Variants in PPP1CC observed in about 807,000 individuals in gnomAD.
PPP1CC encodes protein phosphatase 1 catalytic subunit gamma.
In PPP1CC, 16 loss-of-function variants were observed where a neutral mutation model predicts 38.4. That is an observed-to-expected ratio of 0.42 (90% CI 0.28 to 0.63). The LOEUF (loss-of-function observed/expected upper bound fraction) is 0.63. Among genes scored for constraint, PPP1CC ranks in the 30% least tolerant of loss-of-function variants. PPP1CC has a pLI of 0.25. For synonymous variants in PPP1CC, 158 were observed against 136.0 expected, an observed-to-expected ratio of 1.16 and a Z score of -1.13; for missense variants, 170 against 391.3, an observed-to-expected ratio of 0.43 and a Z score of 4.77.
chr12:110,729,461 G>A (rs61942637), intron 3 of PPP1CC, among the ~76,000 whole-genome samples: 25,703 of 152,156 alleles, frequency 0.17, 2,961 homozygotes, highest in Admixed American at 0.28. Context: ...CCAAAGTGCT[G>A]GGATTACAGG....
the PPP1CC span, among the ~76,000 whole-genome samples, chr12:110,713,785 T>C: frequency 5.9e-5 from 9 of 152,182 alleles, no homozygotes; most frequent in African/African-American, 2.2e-4. Flanking sequence ...ATTCTGGTTT[T>C]CTGGAGTGGA....
At chr12:110,737,477 C>CAAAAAAAAAAAAAAAAAAAAAATAAA (rs2069957703) in intron 1 of PPP1CC, among the ~76,000 whole-genome samples, 1 of 42,500 alleles carries the variant, frequency 2.4e-5, no homozygotes, top group African/African-American at 1.1e-4. Context: ...AAGAAAGACT[C>CAAAAAAAAAAAAAAAAAAAAAATAAA]AAAAAAAAAA....
intron 1 of PPP1CC, among the ~76,000 whole-genome samples, chr12:110,737,510 AAGAAAAAAGAACCCTTTAAGTTTCTCTGC>A: frequency 6.7e-6 from 1 of 150,358 alleles, no homozygotes; most frequent in Non-Finnish European, 1.5e-5. Context: ...AAGAAAAGAA[AAGAAAAAAGAACCCTTTAAGTTTCTCTGC>A]AAAGTCACCA....
chr12:110,729,797 A>G lies in PPP1CC; in HGVS notation c.418+732T>C, dbSNP rs548516067. ...GCCTGGGGACTATGGTGATGGTCGCATAACTCTATAAATTTACTACAAATC... is the reference window on the plus strand; with the variant it reads ...GCCTGGGGACTATGGTGATGGTCGCGTAACTCTATAAATTTACTACAAATC... On this transcript the variant is annotated intron_variant, in intron 3 of 6. Coordinates refer to ENST00000335007, the MANE Select transcript of PPP1CC (RefSeq NM_002710.4). 1.3e-4 allele frequency among the ~76,000 whole-genome samples: 20 copies of G among 152,372 alleles called. 1 individual carries two copies. In the South Asian group the frequency reaches 2.7e-3, roughly 21 times the overall value.
At chr12:110,724,538 C>T in intron 4 of PPP1CC, 122 bp downstream of exon 4, 1 of 633,580 alleles carries the variant, frequency 1.6e-6, no homozygotes, top group Non-Finnish European at 2.9e-6. Context: ...TGCAATGCAA[C>T]ACATCAACAA....
In PPP1CC at chr12:110,724,730, A is replaced by T; in HGVS notation, c.453T>A (p.Thr151=). The T allele has an allele frequency of 6.2e-7, 1 of 1,608,418 alleles. No homozygotes were observed. Among genetic ancestry groups the T allele is most frequent in the Non-Finnish European group, 8.5e-7 (1 of 1,174,942 alleles). The change falls in exon 4 of 7, where the codon ACT becomes ACA. Residue 151 remains threonine, a synonymous_variant. Coordinates refer to ENST00000335007, the MANE Select transcript of PPP1CC (RefSeq NM_002710.4). ...KRRYNIKLWK[T]FTDCFNCLPI... ...GTAAACAGTTAAAACAGTCTGTGAA[A>T]GTTTTCCATAGTTTAATGTTGTATC...
intron 3 of PPP1CC, among the ~76,000 whole-genome samples, chr12:110,727,977 G>A (rs2069821030): frequency 6.6e-6 from 1 of 152,118 alleles, no homozygotes; most frequent in Non-Finnish European, 1.5e-5. Context: ...AGTAGAAACC[G>A]AAACTGATGC....
chr12:110,735,843 T>A (rs1045256529), intron 1 of PPP1CC, among the ~76,000 whole-genome samples: 2 of 151,644 alleles, frequency 1.3e-5, no homozygotes, highest in African/African-American at 4.9e-5. Flanking sequence ...AGCGGGCGGA[T>A]CACCTGAGGT....
chr12:110,742,305 TCCCCAACCATCG>T (rs977845590), intron 1 of PPP1CC, among the ~76,000 whole-genome samples: 3 of 151,814 alleles, frequency 2.0e-5, no homozygotes, highest in East Asian at 1.9e-4. Context: ...TGGACTGGGA[TCCCCAACCATCG>T]CTCCAAAGAC....
rs1000684657 is a variant in PPP1CC, at chr12:110,722,797, G to A, written c.524-102C>T. ...GTCTACAGAGAAATTCAATAATCCT[G>A]ACATAAAAACTGAAATCTATGATTA... On this transcript the variant is annotated intron_variant, in intron 4 of 6. Transcript: ENST00000335007. The surrounding 1 kb of genome is among the most constrained non-coding windows in gnomAD (Gnocchi z 5.4). 6 of 876,348 alleles carry A rather than the reference G, an allele frequency of 6.8e-6. No homozygotes were observed. The highest frequency in any genetic ancestry group is 3.1e-5 in the Admixed American group (1 of 31,934). 54.3% of individuals were successfully genotyped at this position (876,348 alleles called of 1,614,324 possible). A position where few individuals can be genotyped will look rare whatever the true frequency, so the allele number is the denominator to read the frequency against.
At position 110,742,846 on chromosome 12, in the gene PPP1CC, C is replaced by A. The variant is rs1276140370; in HGVS notation, c.-139G>T. ...CCGCGGCGGGTCCCCCCCCTGCCAC[C>A]CCGCTCCCTACTTCCTCCTTCTCTC... On this transcript the variant is annotated 5_prime_UTR_variant, in exon 1 of 7. Transcript: ENST00000335007. 1 of 533,920 alleles carries A rather than the reference C, an allele frequency of 1.9e-6. No individual in the cohort carries two copies. Among genetic ancestry groups the A allele is most frequent in the Non-Finnish European group, 3.0e-6 (1 of 334,838 alleles). The allele number at this position is 533,920 out of a possible 1,614,324, so 33.1% of individuals were successfully genotyped here.
At chr12:110,727,916 A>C (rs1354894675) in intron 3 of PPP1CC, among the ~76,000 whole-genome samples, 1 of 152,188 alleles carries the variant, frequency 6.6e-6, no homozygotes, top group Non-Finnish European at 1.5e-5. Flanking sequence ...GTCGAAACTG[A>C]TACCAACCAA....
At chr12:110,709,235 CT>C in the PPP1CC span, among the ~76,000 whole-genome samples, 63 of 146,920 alleles carry the variant, frequency 4.3e-4, no homozygotes, top group South Asian at 4.3e-4. Flanking sequence ...AGAAATAAAA[CT>C]TTTTTTTTTT....
chr12:110,708,535 G>A, the PPP1CC span, among the ~76,000 whole-genome samples: 1 of 152,108 alleles, frequency 6.6e-6, no homozygotes, highest in Non-Finnish European at 1.5e-5. Flanking sequence ...CTAATTTCAT[G>A]AGACTTGTAT....
At chr12:110,727,669 C>A (rs530093108) in intron 3 of PPP1CC, among the ~76,000 whole-genome samples, 1 of 150,878 alleles carries the variant, frequency 6.6e-6, no homozygotes, top group South Asian at 2.1e-4. Flanking sequence ...GGAAAACAGG[C>A]AGTGGTTTTT....
intron 1 of PPP1CC, among the ~76,000 whole-genome samples, chr12:110,741,084 C>G (rs946378969): frequency 1.3e-5 from 2 of 152,094 alleles, no homozygotes; most frequent in Non-Finnish European, 2.9e-5. Flanking sequence ...ATATAAATAC[C>G]TGGCATTAAA....
At position 110,742,736 on chromosome 12, in the gene PPP1CC, C is replaced by A. The variant is rs755744503; in HGVS notation, c.-29G>T. The stretch of plus-strand genomic sequence containing the variant: ...CTTCCCACCGCCGACCCTCCCGCAG[C>A]GGCGCCGCCGCCGGCTCGCGCCCGG... On this transcript the variant is annotated 5_prime_UTR_variant, in exon 1 of 7. Transcript: ENST00000335007. 2 of 1,387,296 alleles carry A rather than the reference C, an allele frequency of 1.4e-6. No homozygotes were observed. Among genetic ancestry groups the A allele is most frequent in the Non-Finnish European group, 1.9e-6 (2 of 1,058,546 alleles). 85.9% of individuals were successfully genotyped at this position (1,387,296 alleles called of 1,614,324 possible).
the PPP1CC span, among the ~76,000 whole-genome samples, chr12:110,712,427 G>C: frequency 4.0e-5 from 6 of 151,684 alleles, no homozygotes; most frequent in African/African-American, 9.7e-5. Flanking sequence ...ATGGCTTGAG[G>C]TCAGGAGTTC....
chr12:110,732,001 G>T, intron 1 of PPP1CC, 100 bp from the exon 2 acceptor site: 1 of 1,320,450 alleles, frequency 7.6e-7, no homozygotes, highest in Non-Finnish European at 1.0e-6. Flanking sequence ...CTAGCTTTCT[G>T]AGTGGCTTCA....
Sources: gnomAD v4.1 joint callset for allele counts (sites outside exome capture counted in the v4.1 genomes callset) on GRCh38, gnomAD v4.1.1 for gene constraint, Gnocchi (gnomAD v3.1) non-coding constraint, MANE v1.5 for transcripts, NCBI Gene and HGNC (gene_info 2026-07-23, HGNC 2026-07-21) for gene names.